The following ERAP1 variants were observed in gnomAD, a reference collection of about 807,000 sequenced individuals.
ERAP1 encodes the protein adipocyte-derived leucine aminopeptidase.
ERAP1 carries 86 observed loss-of-function variants against 103.7 expected under a neutral mutation model. The observed-to-expected ratio is 0.83, with a 90% CI of 0.70 to 0.99. ERAP1 has a LOEUF of 0.99. Ranked by LOEUF, ERAP1 falls within the 50% of genes least tolerant of loss-of-function variation. The pLI, the probability that ERAP1 is intolerant of heterozygous loss-of-function variation, is 0.00. For missense variants in ERAP1, 1,009 were observed against 1,128.4 expected (o/e 0.89, Z 1.52); for synonymous variants, 398 against 402.4 (o/e 0.99, Z 0.13).
At chr5:96,798,553 A>G (rs1029697198) in intron 3 of ERAP1, among the ~76,000 whole-genome samples, 4 of 150,226 alleles carry the variant, frequency 2.7e-5, no homozygotes, top group East Asian at 2.0e-4. Flanking sequence ...CTGTAATCCA[A>G]TACTTACCTC....
the ERAP1 span, among the ~76,000 whole-genome samples, chr5:96,885,729 T>C: frequency 6.9e-6 from 1 of 144,914 alleles, no homozygotes; most frequent in Admixed American, 6.8e-5. Flanking sequence ...CTAGGAGTTG[T>C]GACTAGCTTG....
chr5:96,842,181 C>T, the ERAP1 span, among the ~76,000 whole-genome samples: 6 of 152,120 alleles, frequency 3.9e-5, no homozygotes, highest in Admixed American at 3.9e-4. Context: ...CCTTTATCTA[C>T]TCATTGGTTG....
At chr5:96,932,613 T>G in the ERAP1 span, among the ~76,000 whole-genome samples, 4 of 152,222 alleles carry the variant, frequency 2.6e-5, no homozygotes, top group African/African-American at 9.6e-5. Context: ...TCGTGGATTG[T>G]GCGTAAATAT....
chr5:96,884,279 T>A, the ERAP1 span, among the ~76,000 whole-genome samples: 1 of 152,270 alleles, frequency 6.6e-6, no homozygotes, highest in South Asian at 2.1e-4. Context: ...GGGTCCAGAT[T>A]AATGGTCTGA....
chr5:96,763,419 A>T (rs1209302484), intron 19 of ERAP1, among the ~76,000 whole-genome samples: 1 of 152,238 alleles, frequency 6.6e-6, no homozygotes, highest in Non-Finnish European at 1.5e-5. Flanking sequence ...CCCATGCAAC[A>T]GAAAGGAAGA....
At chr5:96,915,610 TA>T in the ERAP1 span, 6 of 760,602 alleles carry the variant, frequency 7.9e-6, no homozygotes, top group African/African-American at 1.8e-5. Flanking sequence ...TAATATACAT[TA>T]AAAATATAAT....
At chr5:96,869,748 A>G in the ERAP1 span, among the ~76,000 whole-genome samples, 1 of 152,236 alleles carries the variant, frequency 6.6e-6, no homozygotes, top group Non-Finnish European at 1.5e-5. Flanking sequence ...AGCTATTGTA[A>G]GGTGATCAGA....
chr5:96,916,525 GC>G, the ERAP1 span, among the ~76,000 whole-genome samples: 1 of 129,714 alleles, frequency 7.7e-6, no homozygotes, highest in Non-Finnish European at 1.5e-5. Flanking sequence ...GCAGTGGCTT[GC>G]GATCTCGGCT....
chr5:96,866,132 T>C, the ERAP1 span, among the ~76,000 whole-genome samples: 1 of 152,226 alleles, frequency 6.6e-6, no homozygotes, highest in Non-Finnish European at 1.5e-5. Flanking sequence ...CAAAGCCTAG[T>C]AGTGTTATCT....
At chr5:96,823,470 G>T in the ERAP1 span, among the ~76,000 whole-genome samples, 2 of 152,124 alleles carry the variant, frequency 1.3e-5, no homozygotes, top group East Asian at 3.8e-4. Flanking sequence ...CCTCATTTTT[G>T]CACTTGCCTC....
At chr5:96,908,864 T>G in the ERAP1 span, 6 of 1,268,024 alleles carry the variant, frequency 4.7e-6, no homozygotes, top group East Asian at 1.5e-4. Flanking sequence ...AATGACCTAC[T>G]TCTGTTATTG....
At chr5:96,778,865 G>C (rs1228299772) in intron 18 of ERAP1, among the ~76,000 whole-genome samples, 1 of 152,212 alleles carries the variant, frequency 6.6e-6, no homozygotes, top group Non-Finnish European at 1.5e-5. Flanking sequence ...TGCGTAGTTA[G>C]ATGTCTGGGG....
At chr5:96,929,026 C>T in the ERAP1 span, among the ~76,000 whole-genome samples, 7 of 152,206 alleles carry the variant, frequency 4.6e-5, no homozygotes, top group Admixed American at 1.3e-4. Context: ...AAGGTGATCG[C>T]TCCCTAGTGC....
chr5:96,857,925 T>C, the ERAP1 span, among the ~76,000 whole-genome samples: 1 of 152,012 alleles, frequency 6.6e-6, no homozygotes, highest in Non-Finnish European at 1.5e-5. Context: ...AGAAAAGAAA[T>C]AGGGTCAGAG....
the ERAP1 span, chr5:96,902,144 A>G: frequency 5.3e-3 from 3,194 of 597,278 alleles, 13 homozygotes; most frequent in Non-Finnish European, 7.5e-3. Flanking sequence ...TAAAATTTAT[A>G]AGACCACTTG....
the ERAP1 span, among the ~76,000 whole-genome samples, chr5:96,887,475 A>G: frequency 1.8e-4 from 27 of 152,084 alleles, no homozygotes; most frequent in African/African-American, 6.5e-4. Context: ...TAATTTTTGT[A>G]TATTTGTAGA....
Position 96,775,081 on chromosome 5 carries a change from A to ATAAG in ERAP1, c.*1311_*1314dup, listed in dbSNP as rs781264876. 1.3e-4 allele frequency: 130 copies of ATAAG among 985,592 alleles called. No homozygotes were observed. Among genetic ancestry groups the ATAAG allele is most frequent in the East Asian group, 1.1e-4 (1 of 8,960 alleles). 61.1% of individuals were successfully genotyped at this position (985,592 alleles called of 1,614,324 possible). ...AGCAACAGAGCACACTATGGGTTAG[A>ATAAG]TAAGTCCCTGTGTAGCAAGTTTTCA... On this transcript the variant is annotated 3_prime_UTR_variant, in exon 19 of 19. Transcript: ENST00000443439.
exon 20 of ERAP1, chr5:96,762,858 G>GT (rs1768482780): frequency 2.7e-6 from 1 of 365,560 alleles, no homozygotes; most frequent in African/African-American, 2.1e-5. Context: ...ATTCACACCA[G>GT]TAAAAATTTG....
At position 96,783,226 on chromosome 5, in the gene ERAP1, T is replaced by G. The variant is rs1775475861; in HGVS notation, c.2110A>C (p.Ile704Leu). The G allele has an allele frequency of 6.2e-7, 1 of 1,611,330 alleles. No individual in the cohort carries two copies. Among genetic ancestry groups the G allele is most frequent in the East Asian group, 2.2e-5 (1 of 44,814 alleles). The change falls in exon 15 of 19, where the codon ATC (isoleucine) becomes CTC (leucine). Residue 704 changes from isoleucine to leucine, a missense_variant. Transcript: ENST00000443439. ...EVETQFKAFL[I>L]RLLRDLIDKQ... is the part of the protein sequence containing the mutation. Reference sequence around the variant, plus strand: ...TCAATGAGGTCCCTTAGCAGCCTGATGAGGAAGGCCTGAGGGCGTTGTACA... The same window carrying G: ...TCAATGAGGTCCCTTAGCAGCCTGAGGAGGAAGGCCTGAGGGCGTTGTACA...
Sources: allele counts gnomAD v4.1 joint callset (sites outside exome capture counted in the v4.1 genomes callset), GRCh38; gene constraint gnomAD v4.1.1; transcripts MANE v1.5; gene names NCBI Gene and HGNC (gene_info 2026-07-23, HGNC 2026-07-21).